Variants in SHISA9 observed in about 807,000 individuals in gnomAD.
SHISA9 encodes the protein protein shisa-9.
SHISA9 carries 13 observed loss-of-function variants against 38.0 expected under a neutral mutation model. The ratio of observed to expected loss-of-function variants is 0.34; its 90% CI spans 0.22 to 0.54. The LOEUF (loss-of-function observed/expected upper bound fraction) is 0.54, where lower values mean the gene tolerates loss of function less well. Ranked by LOEUF, SHISA9 falls within the 20% of genes least tolerant of loss-of-function variation. The probability of loss-of-function intolerance (pLI) is 0.91; values close to 1 mark genes in which losing one functional copy is unlikely to be tolerated. For synonymous variants in SHISA9, 275 were observed against 242.0 expected (o/e 1.14, Z -1.27); for missense variants, 538 against 575.8 (o/e 0.93, Z 0.67).
rs186858402 is a variant in SHISA9, at chr16:13,127,235, G to T, written c.692-76159G>T. Among the ~76,000 whole-genome samples the T allele has an allele frequency of 4.3e-3, 578 of 132,926 alleles. 3 individuals are homozygous for T. Among genetic ancestry groups the T allele is most frequent in the African/African-American group, 0.015 (519 of 34,972 alleles). The allele number at this position is 132,926 out of a possible 152,430, so 87.2% of individuals were successfully genotyped here. A position where few individuals can be genotyped will look rare whatever the true frequency, so the allele number is the denominator to read the frequency against. ...AGGGAAAGAGAGGGAGGGGGAGAAAGAATGAGTGAGGGAGAGAGAGGGAGG... is the reference window on the plus strand; with the variant it reads ...AGGGAAAGAGAGGGAGGGGGAGAAATAATGAGTGAGGGAGAGAGAGGGAGG... On this transcript the variant is annotated intron_variant, in intron 2 of 4. Transcript: ENST00000558583.
intron 2 of SHISA9, among the ~76,000 whole-genome samples, chr16:12,958,909 A>G (rs1415829726): frequency 2.0e-5 from 3 of 151,938 alleles, no homozygotes; most frequent in African/African-American, 4.8e-5. Flanking sequence ...TCTTTCTCCC[A>G]TGAGAGTTGG....
chr16:13,059,758 G>A (rs1172983737), intron 2 of SHISA9, among the ~76,000 whole-genome samples: 1 of 152,130 alleles, frequency 6.6e-6, no homozygotes, highest in Non-Finnish European at 1.5e-5. Context: ...TTAGAATGAG[G>A]TCGTTAGGGT....
chr16:13,254,120 A>G, the SHISA9 span, among the ~76,000 whole-genome samples: 1 of 152,186 alleles, frequency 6.6e-6, no homozygotes, highest in Non-Finnish European at 1.5e-5. Flanking sequence ...CTCTATAATA[A>G]TAATACTAAT....
the SHISA9 span, among the ~76,000 whole-genome samples, chr16:13,264,860 T>C: frequency 6.6e-6 from 1 of 151,794 alleles, no homozygotes; most frequent in African/African-American, 2.4e-5. Context: ...AAAGTAATAA[T>C]TCCCTCTCCT....
the SHISA9 span, among the ~76,000 whole-genome samples, chr16:13,402,340 G>T: frequency 6.6e-6 from 1 of 152,020 alleles, no homozygotes; most frequent in African/African-American, 2.4e-5. Context: ...GGAGGCCACT[G>T]GTGTAAGTCC....
chr16:13,393,365 TC>T, the SHISA9 span, among the ~76,000 whole-genome samples: 2 of 152,188 alleles, frequency 1.3e-5, no homozygotes, highest in African/African-American at 4.8e-5. Context: ...GTGTGGCCAT[TC>T]CTTTCCCCAA....
chr16:13,082,039 C>T (rs918596459), intron 2 of SHISA9, among the ~76,000 whole-genome samples: 21 of 152,076 alleles, frequency 1.4e-4, no homozygotes, highest in Admixed American at 5.9e-4. Context: ...TGGGAGTTAC[C>T]GCCAACTCAT....
At chr16:13,176,378 C>G (rs979441010) in intron 2 of SHISA9, among the ~76,000 whole-genome samples, 6 of 152,222 alleles carry the variant, frequency 3.9e-5, no homozygotes, top group African/African-American at 1.4e-4. Flanking sequence ...GGTCTCTGAT[C>G]ACACAGGTCA....
chr16:13,019,862 C>T (rs2072812395), intron 2 of SHISA9, among the ~76,000 whole-genome samples: 1 of 29,240 alleles, frequency 3.4e-5, no homozygotes, highest in Non-Finnish European at 6.0e-5. Context: ...CTCCCTCCCT[C>T]CCTCCCTCCC....
At chr16:12,948,013 G>T (rs2071709040) in intron 2 of SHISA9, among the ~76,000 whole-genome samples, 2 of 152,140 alleles carry the variant, frequency 1.3e-5, no homozygotes, top group South Asian at 4.1e-4. Context: ...TAGCCTTTGG[G>T]GCTAGGTAGC....
chr16:12,922,419 A>G (rs1415877098), intron 2 of SHISA9, among the ~76,000 whole-genome samples: 1 of 152,146 alleles, frequency 6.6e-6, no homozygotes, highest in Non-Finnish European at 1.5e-5. Flanking sequence ...TGTGCATCTG[A>G]TCTTTCCTCT....
chr16:13,024,395 G>A (rs899571336), intron 2 of SHISA9, among the ~76,000 whole-genome samples: 9 of 152,228 alleles, frequency 5.9e-5, no homozygotes, highest in African/African-American at 1.9e-4. Context: ...CAGCCCAGTT[G>A]GCCCAGAGCC....
the SHISA9 span, among the ~76,000 whole-genome samples, chr16:13,322,423 G>T: frequency 2.0e-5 from 3 of 152,122 alleles, no homozygotes; most frequent in African/African-American, 4.8e-5. Flanking sequence ...AGTTAATTCA[G>T]CTAGCTGAAT....
chr16:13,349,316 T>C, the SHISA9 span, among the ~76,000 whole-genome samples: 8 of 152,168 alleles, frequency 5.3e-5, no homozygotes, highest in Admixed American at 2.0e-4. Flanking sequence ...GGGGGTCTCA[T>C]AGAGGCAGCT....
chr16:13,033,871 C>T (rs563249210), intron 2 of SHISA9, among the ~76,000 whole-genome samples: 40 of 152,206 alleles, frequency 2.6e-4, no homozygotes, highest in Admixed American at 2.2e-3. Flanking sequence ...TGTGGCTGGG[C>T]GCTGTGGCTC....
chr16:13,554,975 G>A, the SHISA9 span, among the ~76,000 whole-genome samples: 1 of 152,308 alleles, frequency 6.6e-6, no homozygotes, highest in Middle Eastern at 3.4e-3. Flanking sequence ...TCTCCTTGTG[G>A]AATATTCATT....
chr16:13,536,068 G>A, the SHISA9 span, among the ~76,000 whole-genome samples: 1 of 150,818 alleles, frequency 6.6e-6, no homozygotes, highest in Middle Eastern at 3.4e-3. Flanking sequence ...GCACGGTCTC[G>A]GCTCACCGCA....
intron 2 of SHISA9, among the ~76,000 whole-genome samples, chr16:13,073,954 G>T (rs957721730): frequency 7.2e-6 from 1 of 138,108 alleles, no homozygotes; most frequent in Non-Finnish European, 1.5e-5. Flanking sequence ...ATTTCTGCTG[G>T]TCGTTTTTTT....
chr16:13,452,373 C>T, the SHISA9 span, among the ~76,000 whole-genome samples: 1 of 152,164 alleles, frequency 6.6e-6, no homozygotes, highest in Non-Finnish European at 1.5e-5. Flanking sequence ...TTATTCCAGC[C>T]ATTATTTCCA....
Sources: allele counts gnomAD v4.1 joint callset (sites outside exome capture counted in the v4.1 genomes callset), GRCh38; gene constraint gnomAD v4.1.1; transcripts MANE v1.5; gene names NCBI Gene and HGNC (gene_info 2026-07-23, HGNC 2026-07-21).